NKAIN2: variants seen among roughly 807,000 people sequenced by gnomAD.
NKAIN2 encodes the protein sodium/potassium transporting ATPase interacting 2.
A neutral mutation model predicts 32.6 loss-of-function variants in NKAIN2; 14 were observed. The observed-to-expected ratio is 0.43, with a 90% confidence interval of 0.28 to 0.67. The LOEUF is 0.67. NKAIN2 is among the 30% of genes least tolerant of loss of function. The pLI, the probability that NKAIN2 is intolerant of heterozygous loss-of-function variation, is 0.17. For synonymous variants in NKAIN2, 80 were observed against 87.2 expected (o/e 0.92, Z 0.46); for missense variants, 198 against 258.3 (o/e 0.77, Z 1.60).
chr6:124,578,428 C>T (rs1781407560), intron 3 of NKAIN2, among the ~76,000 whole-genome samples: 2 of 152,036 alleles, frequency 1.3e-5, no homozygotes, highest in South Asian at 4.2e-4. Context: ...TTGGCAGTAG[C>T]CAGGCAGTAC....
intron 1 of NKAIN2, among the ~76,000 whole-genome samples, chr6:123,941,017 T>C (rs1484192571): frequency 3.3e-5 from 5 of 151,884 alleles, no homozygotes; most frequent in African/African-American, 1.2e-4. Context: ...TTTATAAGCG[T>C]TTTGCTATTT....
chr6:124,689,923 T>C (rs1774178041), intron 4 of NKAIN2, among the ~76,000 whole-genome samples: 1 of 152,134 alleles, frequency 6.6e-6, no homozygotes, highest in South Asian at 2.1e-4. Context: ...TCCAATATTG[T>C]GTTGTCTGTT....
intron 3 of NKAIN2, among the ~76,000 whole-genome samples, chr6:124,483,077 G>A (rs914797832): frequency 6.7e-6 from 1 of 149,252 alleles, no homozygotes. Context: ...AGCCGAGATC[G>A]TGCCACTGCA....
At chr6:123,846,197 T>C (rs879601147) in intron 1 of NKAIN2, among the ~76,000 whole-genome samples, 11 of 152,170 alleles carry the variant, frequency 7.2e-5, no homozygotes, top group Non-Finnish European at 1.6e-4. Context: ...ACCCTATCAT[T>C]TCTAGGTGTG....
chr6:124,200,641 AATTAT>A (rs781775337), intron 1 of NKAIN2, among the ~76,000 whole-genome samples: 18 of 152,120 alleles, frequency 1.2e-4, no homozygotes, highest in Non-Finnish European at 1.5e-4. Flanking sequence ...AAGAATTAAG[AATTAT>A]ATTATAAGAA....
intron 3 of NKAIN2, among the ~76,000 whole-genome samples, chr6:124,427,420 C>T (rs1268588892): frequency 6.6e-6 from 1 of 152,156 alleles, no homozygotes; most frequent in African/African-American, 2.4e-5. Context: ...TGATTTCATA[C>T]TTGTATGCAT....
chr6:124,254,998 G>C (rs1793859621), intron 1 of NKAIN2, among the ~76,000 whole-genome samples: 1 of 152,176 alleles, frequency 6.6e-6, no homozygotes, highest in Non-Finnish European at 1.5e-5. Flanking sequence ...ATTGAGGCCA[G>C]GTGATGAATT....
intron 1 of NKAIN2, among the ~76,000 whole-genome samples, chr6:124,251,680 A>G (rs1210713278): frequency 1.3e-5 from 2 of 152,086 alleles, no homozygotes; most frequent in Non-Finnish European, 2.9e-5. Context: ...GGCAAACGCT[A>G]CAAAGTTAGT....
chr6:124,733,093 C>T (rs558647616), intron 4 of NKAIN2, among the ~76,000 whole-genome samples: 3 of 151,832 alleles, frequency 2.0e-5, no homozygotes, highest in African/African-American at 7.3e-5. Context: ...TAAATTTATG[C>T]GGTATTCTGA....
At chr6:124,229,541 C>CAT (rs1792332754) in intron 1 of NKAIN2, among the ~76,000 whole-genome samples, 2 of 137,944 alleles carry the variant, frequency 1.4e-5, no homozygotes, top group Non-Finnish European at 3.1e-5. Context: ...GATAGACAGA[C>CAT]AGACAGACAG....
At chr6:124,565,227 A>T (rs1272809723) in intron 3 of NKAIN2, among the ~76,000 whole-genome samples, 1 of 152,208 alleles carries the variant, frequency 6.6e-6, no homozygotes, top group Non-Finnish European at 1.5e-5. Context: ...GAATGAGCAC[A>T]AACTAATTGG....
intron 3 of NKAIN2, among the ~76,000 whole-genome samples, chr6:124,382,089 A>G (rs1772669669): frequency 6.7e-6 from 1 of 149,756 alleles, no homozygotes; most frequent in African/African-American, 2.5e-5. Context: ...TCTCATTGTT[A>G]GATTTATTAT....
chr6:123,870,692 C>T (rs987305091), intron 1 of NKAIN2, among the ~76,000 whole-genome samples: 17 of 152,088 alleles, frequency 1.1e-4, no homozygotes, highest in African/African-American at 3.9e-4. Context: ...TCACTTTATT[C>T]AACTCCTTCA....
chr6:124,529,464 T>C (rs1378427359), intron 3 of NKAIN2, among the ~76,000 whole-genome samples: 1 of 152,176 alleles, frequency 6.6e-6, no homozygotes, highest in African/African-American at 2.4e-5. Flanking sequence ...TATAATTTAG[T>C]CTCATTGGGG....
intron 3 of NKAIN2, among the ~76,000 whole-genome samples, chr6:124,428,849 G>C (rs1441878081): frequency 6.6e-6 from 1 of 152,118 alleles, no homozygotes. Flanking sequence ...GTGCCCGTGT[G>C]CTGATGTGGG....
chr6:124,626,736 A>G (rs926142985), intron 3 of NKAIN2, among the ~76,000 whole-genome samples: 2 of 152,142 alleles, frequency 1.3e-5, no homozygotes, highest in African/African-American at 4.8e-5. Flanking sequence ...CCACATACAC[A>G]CTTTGGTGCA....
chr6:124,350,386 T>C (rs538296123), intron 2 of NKAIN2, among the ~76,000 whole-genome samples: 1 of 152,060 alleles, frequency 6.6e-6, no homozygotes, highest in East Asian at 1.9e-4. Context: ...ATATTTGATA[T>C]AGATAAGTGC....
At chr6:124,239,505 C>G (rs1369121318) in intron 1 of NKAIN2, among the ~76,000 whole-genome samples, 1 of 152,166 alleles carries the variant, frequency 6.6e-6, no homozygotes, top group African/African-American at 2.4e-5. Flanking sequence ...GTAAAACACT[C>G]TTCAGCAAAT....
intron 1 of NKAIN2, among the ~76,000 whole-genome samples, chr6:124,005,030 G>C (rs1780020822): frequency 1.3e-5 from 2 of 151,986 alleles, no homozygotes; most frequent in African/African-American, 4.8e-5. Flanking sequence ...TTTGAGACCA[G>C]CTTGGTCAAG....
Sources: allele counts gnomAD v4.1 joint callset (sites outside exome capture counted in the v4.1 genomes callset), GRCh38; gene constraint gnomAD v4.1.1; transcripts MANE v1.5; gene names NCBI Gene and HGNC (gene_info 2026-07-23, HGNC 2026-07-21).